The following NRG1 variants were observed in gnomAD, a reference collection of about 807,000 sequenced individuals.
The protein encoded by NRG1 is pro-neuregulin-1, membrane-bound isoform.
Under a neutral mutation model 63.8 loss-of-function variants are expected in NRG1, and 18 were observed. The observed-to-expected ratio is 0.28, with a 90% confidence interval of 0.19 to 0.42. NRG1 has a LOEUF of 0.42. NRG1 is among the 10% of genes least tolerant of loss of function. The pLI is 1.00. For missense variants in NRG1, 762 were observed against 814.7 expected, an observed-to-expected ratio of 0.94 and a Z score of 0.79; for synonymous variants, 302 against 301.3, an observed-to-expected ratio of 1.00 and a Z score of -0.02.
chr8:32,216,965 C>T (rs1050592370), intron 1 of NRG1, among the ~76,000 whole-genome samples: 1 of 151,986 alleles, frequency 6.6e-6, no homozygotes, highest in Admixed American at 6.6e-5. Flanking sequence ...GTAATCCCTG[C>T]ACTTTGGGAG....
chr8:31,944,470 C>G (rs570136462), intron 1 of NRG1, among the ~76,000 whole-genome samples: 1 of 152,302 alleles, frequency 6.6e-6, no homozygotes, highest in South Asian at 2.1e-4. Flanking sequence ...GACCTTCTGG[C>G]TCTAGCTCTT....
intron 1 of NRG1, among the ~76,000 whole-genome samples, chr8:32,535,723 G>A (rs1831898731): frequency 6.6e-6 from 1 of 152,146 alleles, no homozygotes; most frequent in Non-Finnish European, 1.5e-5. Context: ...TTCCCCATGT[G>A]CCTTGGTTTA....
intron 1 of NRG1, among the ~76,000 whole-genome samples, chr8:31,965,233 T>A (rs1806124851): frequency 6.6e-6 from 1 of 152,092 alleles, no homozygotes; most frequent in Non-Finnish European, 1.5e-5. Context: ...TTTTATTTTT[T>A]TTTTTTTGAG....
chr8:32,284,430 C>T (rs1291050527), intron 1 of NRG1, among the ~76,000 whole-genome samples: 1 of 151,776 alleles, frequency 6.6e-6, no homozygotes, highest in Admixed American at 6.6e-5. Flanking sequence ...TAGTCCTGAA[C>T]AAAGTCTTCC....
intron 1 of NRG1, among the ~76,000 whole-genome samples, chr8:31,698,864 T>C (rs1029683982): frequency 5.9e-5 from 9 of 152,206 alleles, no homozygotes; most frequent in African/African-American, 1.9e-4. Flanking sequence ...CAGTACAACC[T>C]TGGGTTTGGC....
chr8:32,630,884 A>G (rs1269719694), intron 5 of NRG1, among the ~76,000 whole-genome samples: 3 of 152,200 alleles, frequency 2.0e-5, no homozygotes, highest in Admixed American at 6.5e-5. Context: ...AAATCTACTT[A>G]AAGCCACAAC....
intron 1 of NRG1, among the ~76,000 whole-genome samples, chr8:31,769,954 GTCT>G: frequency 6.6e-6 from 1 of 152,300 alleles, no homozygotes; most frequent in Admixed American, 6.5e-5. Context: ...CCAGGGTTAT[GTCT>G]TATTCAGACA....
At chr8:32,266,910 G>T (rs200725283) in intron 1 of NRG1, among the ~76,000 whole-genome samples, 19 of 151,318 alleles carry the variant, frequency 1.3e-4, no homozygotes, top group Non-Finnish European at 2.5e-4. Context: ...TTAGCCAGAC[G>T]TGGTGGCACA....
chr8:31,862,048 C>G (rs546789031), intron 1 of NRG1, among the ~76,000 whole-genome samples: 2 of 152,264 alleles, frequency 1.3e-5, no homozygotes, highest in South Asian at 4.1e-4. Flanking sequence ...GGTTTCATCT[C>G]TTGCTTGGGT....
intron 6 of NRG1, among the ~76,000 whole-genome samples, chr8:32,735,590 A>G (rs949074318): frequency 6.6e-6 from 1 of 152,196 alleles, no homozygotes; most frequent in African/African-American, 2.4e-5. Flanking sequence ...AAGAGAGGAA[A>G]ACCAAACCAC....
intron 1 of NRG1, among the ~76,000 whole-genome samples, chr8:31,755,116 C>T (rs911453730): frequency 6.6e-6 from 1 of 152,104 alleles, no homozygotes; most frequent in Non-Finnish European, 1.5e-5. Flanking sequence ...GACAGGCCTG[C>T]ACTGCTCTGG....
At chr8:32,365,170 G>A (rs1157328957) in intron 1 of NRG1, among the ~76,000 whole-genome samples, 2 of 152,074 alleles carry the variant, frequency 1.3e-5, no homozygotes, top group African/African-American at 4.8e-5. Context: ...TTACAGGCGA[G>A]AGCCAACTTG....
chr8:32,679,584 A>G (rs986556328), intron 5 of NRG1, among the ~76,000 whole-genome samples: 7 of 152,218 alleles, frequency 4.6e-5, no homozygotes, highest in Admixed American at 3.9e-4. Context: ...TTTAATCTAC[A>G]TTACAAGATA....
intron 1 of NRG1, among the ~76,000 whole-genome samples, chr8:32,066,846 T>C (rs1253691654): frequency 6.6e-6 from 1 of 152,046 alleles, no homozygotes; most frequent in Admixed American, 6.6e-5. Context: ...CATTTGTTTG[T>C]ATCCTCTTTT....
At chr8:32,250,267 A>G (rs1586382605) in intron 1 of NRG1, among the ~76,000 whole-genome samples, 1 of 152,252 alleles carries the variant, frequency 6.6e-6, no homozygotes, top group African/African-American at 2.4e-5. Context: ...TTAGTCATTC[A>G]TTATGGAACA....
At chr8:32,380,689 AC>A (rs1294408961) in intron 1 of NRG1, among the ~76,000 whole-genome samples, 3 of 152,134 alleles carry the variant, frequency 2.0e-5, no homozygotes, top group Non-Finnish European at 4.4e-5. Context: ...CTTCCTCATC[AC>A]CATACTAACT....
chr8:32,555,959 CTT>C (rs780362959), intron 1 of NRG1, among the ~76,000 whole-genome samples: 1 of 152,294 alleles, frequency 6.6e-6, no homozygotes, highest in Non-Finnish European at 1.5e-5. Context: ...TGGGAATAGT[CTT>C]TGACTGCCAC....
intron 1 of NRG1, among the ~76,000 whole-genome samples, chr8:32,525,863 A>G (rs1198399149): frequency 6.6e-6 from 1 of 152,096 alleles, no homozygotes. Flanking sequence ...TGTGACTTTG[A>G]CAAGTCAGTT....
chr8:32,385,020 C>T (rs1810814740), intron 1 of NRG1, among the ~76,000 whole-genome samples: 1 of 152,040 alleles, frequency 6.6e-6, no homozygotes, highest in Non-Finnish European at 1.5e-5. Context: ...TACTTATGGC[C>T]TCTCTCTCTT....
Sources: gnomAD v4.1 joint callset for allele counts (sites outside exome capture counted in the v4.1 genomes callset) on GRCh38, gnomAD v4.1.1 for gene constraint, MANE v1.5 for transcripts, NCBI Gene and HGNC (gene_info 2026-07-23, HGNC 2026-07-21) for gene names.